The following ARHGAP42 variants were observed in gnomAD, a reference collection of about 807,000 sequenced individuals.
The protein encoded by ARHGAP42 is rho GTPase-activating protein 42.
Under a neutral mutation model 125.0 loss-of-function variants are expected in ARHGAP42, and 63 were observed. The ratio of observed to expected loss-of-function variants is 0.50; its 90% CI spans 0.41 to 0.62. The LOEUF is 0.62. ARHGAP42 is among the 20% of genes least tolerant of loss of function. ARHGAP42 has a pLI of 0.00. For synonymous variants in ARHGAP42, 339 were observed against 351.0 expected (o/e 0.97, Z 0.38); for missense variants, 766 against 1,024.2 (o/e 0.75, Z 3.44).
At chr11:100,824,370 G>C (rs1864467167) in intron 3 of ARHGAP42, among the ~76,000 whole-genome samples, 1 of 152,126 alleles carries the variant, frequency 6.6e-6, no homozygotes, top group Non-Finnish European at 1.5e-5. Context: ...GACTACTAAT[G>C]ACTGAAGTCC....
chr11:100,816,042 A>G (rs1449678009), intron 3 of ARHGAP42, among the ~76,000 whole-genome samples: 3 of 152,122 alleles, frequency 2.0e-5, no homozygotes, highest in South Asian at 2.1e-4. Flanking sequence ...TTGTTCATCT[A>G]TTTATCCATG....
At chr11:100,840,909 A>G (rs144103050) in intron 3 of ARHGAP42, among the ~76,000 whole-genome samples, 6 of 152,274 alleles carry the variant, frequency 3.9e-5, no homozygotes, top group African/African-American at 7.2e-5. Context: ...CTATTAAACA[A>G]TTGTAAATTT....
intron 17 of ARHGAP42, among the ~76,000 whole-genome samples, chr11:100,972,162 T>C (rs1294081349): frequency 1.3e-5 from 2 of 152,162 alleles, no homozygotes; most frequent in Non-Finnish European, 2.9e-5. Flanking sequence ...GGATTTCCCA[T>C]AAAATCTTAC....
At chr11:100,725,284 C>T (rs1447619700) in intron 1 of ARHGAP42, among the ~76,000 whole-genome samples, 1 of 151,772 alleles carries the variant, frequency 6.6e-6, no homozygotes, top group Non-Finnish European at 1.5e-5. Flanking sequence ...AATTCTCCTG[C>T]CTCAGCCTCC....
At position 100,992,862 on chromosome 11, in the gene ARHGAP42, G is replaced by A. The variant is rs375546115; in HGVS notation, c.*4061G>A. 3.6e-6 allele frequency: 2 copies of A among 554,884 alleles called. No homozygotes were observed. Among genetic ancestry groups the A allele is most frequent in the African/African-American group, 6.8e-5 (2 of 29,284 alleles). The allele number at this position is 554,884 out of a possible 1,614,324, so 34.4% of individuals were successfully genotyped here. A position where few individuals can be genotyped will look rare whatever the true frequency, so the allele number is the denominator to read the frequency against. ...GCATGTCCTAGACCAATGATTACAA[G>A]GTGTCTGTGGTTTAGGGGGCCCAGC... On this transcript the variant is annotated 3_prime_UTR_variant, in exon 24 of 24. Coordinates refer to ENST00000298815, the MANE Select transcript of ARHGAP42 (RefSeq NM_152432.4).
At chr11:100,703,158 G>A (rs1043834888) in intron 1 of ARHGAP42, among the ~76,000 whole-genome samples, 6 of 152,148 alleles carry the variant, frequency 3.9e-5, no homozygotes, top group African/African-American at 1.4e-4. Flanking sequence ...GTGCAACTGC[G>A]CTGGCTTCTC....
chr11:100,929,858 C>G (rs1199821857), intron 6 of ARHGAP42, among the ~76,000 whole-genome samples: 2 of 152,064 alleles, frequency 1.3e-5, no homozygotes, highest in Non-Finnish European at 2.9e-5. Context: ...TGTGAGTTTT[C>G]TTTCAATTTT....
chr11:100,849,995 T>G (rs1414365493), intron 3 of ARHGAP42, among the ~76,000 whole-genome samples: 3 of 152,206 alleles, frequency 2.0e-5, no homozygotes, highest in Non-Finnish European at 4.4e-5. Flanking sequence ...ATGCTCCTCC[T>G]TTAATGATCT....
In ARHGAP42 at chr11:100,779,156, A is replaced by G. The variant is rs115237374; in HGVS notation, c.250+8718A>G. Among the ~76,000 whole-genome samples the G allele has an allele frequency of 3.4e-3, 518 of 152,154 alleles. 2 individuals are homozygous for G. The highest frequency in any genetic ancestry group is 0.027 in the Middle Eastern group (8 of 294). ...TTTAGAGCCTTATATTAACAATAATATATATACTGGCTGGGTGCAGTGGCT... is the reference window on the plus strand; with the variant it reads ...TTTAGAGCCTTATATTAACAATAATGTATATACTGGCTGGGTGCAGTGGCT... On this transcript the variant is annotated intron_variant, in intron 2 of 23. Transcript: ENST00000298815.
intron 3 of ARHGAP42, among the ~76,000 whole-genome samples, chr11:100,856,348 G>A (rs1865322151): frequency 1.3e-5 from 2 of 151,910 alleles, no homozygotes. Flanking sequence ...ACACCTTCTT[G>A]ACTTCACACT....
chr11:100,948,814 A>G (rs1868095739), intron 11 of ARHGAP42, among the ~76,000 whole-genome samples: 1 of 152,104 alleles, frequency 6.6e-6, no homozygotes, highest in East Asian at 1.9e-4. Flanking sequence ...GGCTCCACCC[A>G]TTAGGTTAGC....
chr11:100,933,540 G>T (rs1178068314), intron 7 of ARHGAP42, among the ~76,000 whole-genome samples: 1 of 152,116 alleles, frequency 6.6e-6, no homozygotes, highest in African/African-American at 2.4e-5. Flanking sequence ...CAGTATGGTG[G>T]CTCTAGGTAA....
chr11:100,892,400 GTCT>G (rs1219285925), intron 4 of ARHGAP42, among the ~76,000 whole-genome samples: 6 of 152,096 alleles, frequency 3.9e-5, no homozygotes, highest in African/African-American at 1.4e-4. Context: ...ATCAATAGCA[GTCT>G]TCTTCTTGAA....
chr11:100,878,927 A>G (rs1865888801), intron 4 of ARHGAP42, among the ~76,000 whole-genome samples: 1 of 151,892 alleles, frequency 6.6e-6, no homozygotes. Flanking sequence ...CTAGAAGATA[A>G]CATCAGAAAA....
intron 1 of ARHGAP42, among the ~76,000 whole-genome samples, chr11:100,757,483 C>CTGT (rs973627928): frequency 4.6e-5 from 7 of 152,148 alleles, no homozygotes; most frequent in African/African-American, 1.7e-4. Context: ...GGTGAGATGG[C>CTGT]TGTAGTAAGT....
At chr11:100,938,898 A>G (rs1461375709) in intron 8 of ARHGAP42, among the ~76,000 whole-genome samples, 1 of 152,196 alleles carries the variant, frequency 6.6e-6, no homozygotes, top group South Asian at 2.1e-4. Context: ...GGGGACAAAA[A>G]TGAGATAAAT....
At chr11:100,776,981 CAAAA>C (rs71053146) in intron 2 of ARHGAP42, among the ~76,000 whole-genome samples, 33,347 of 108,814 alleles carry the variant, frequency 0.31, 3,662 homozygotes, top group Non-Finnish European at 0.35. Flanking sequence ...AACACTGTCT[CAAAA>C]AAAAAAAAAA....
intron 2 of ARHGAP42, among the ~76,000 whole-genome samples, chr11:100,790,666 T>C (rs116243648): frequency 5.2e-4 from 79 of 152,306 alleles, no homozygotes; most frequent in African/African-American, 1.8e-3. Flanking sequence ...GTAGAGCAAA[T>C]AGATTGTGGA....
rs553603208 is a variant in ARHGAP42, at chr11:100,823,654, C to T, written c.312+28488C>T. 3.9e-5 allele frequency among the ~76,000 whole-genome samples: 6 copies of T among 152,228 alleles called. No individual in the cohort carries two copies. The South Asian group carries it at 6.2e-4, about 16-fold the overall frequency. On this transcript the variant is annotated intron_variant, in intron 3 of 23. Coordinates refer to ENST00000298815, the MANE Select transcript of ARHGAP42 (RefSeq NM_152432.4). ...TATTTTCTTTGGAGTTCCCTGCAGG[C>T]CCTTGAACTAAGCAACAACCAGCAA...
Sources: allele counts gnomAD v4.1 joint callset (sites outside exome capture counted in the v4.1 genomes callset), GRCh38; gene constraint gnomAD v4.1.1; transcripts MANE v1.5; gene names NCBI Gene and HGNC (gene_info 2026-07-23, HGNC 2026-07-21).